CCDC171: variants seen among roughly 807,000 people sequenced by gnomAD.
CCDC171 encodes coiled-coil domain-containing protein 171.
In CCDC171, 177 loss-of-function variants were observed where a neutral mutation model predicts 168.2. That is an observed-to-expected ratio of 1.05 (90% CI 0.93 to 1.19). The LOEUF is 1.19. Ranked by LOEUF, CCDC171 falls within the 50% of genes most tolerant of loss-of-function variation. CCDC171 has a pLI of 0.00. For missense variants in CCDC171, 1,991 were observed against 1,539.0 expected (o/e 1.29, Z -4.91); for synonymous variants, 687 against 540.8 (o/e 1.27, Z -3.75).
intron 6 of CCDC171, among the ~76,000 whole-genome samples, chr9:15,611,752 C>T (rs903068480): frequency 6.6e-6 from 1 of 152,078 alleles, no homozygotes; most frequent in Admixed American, 6.6e-5. Flanking sequence ...CAGAGGCAAC[C>T]CGAGAGTGTA....
chr9:16,073,010 A>G, the CCDC171 span, among the ~76,000 whole-genome samples: 15 of 152,268 alleles, frequency 9.9e-5, no homozygotes, highest in Non-Finnish European at 5.9e-5. Flanking sequence ...GTCCTTGGGC[A>G]AGTTGCTTTA....
In CCDC171 at chr9:15,970,781, C is replaced by T. The variant is rs115639427; in HGVS notation, c.3754-828C>T. ...TATTTTGACATGTGATTTCTAAATACTTATAATAGTCTTTATCAAAACAGG... is the reference window on the plus strand; with the variant it reads ...TATTTTGACATGTGATTTCTAAATATTTATAATAGTCTTTATCAAAACAGG... On this transcript the variant is annotated intron_variant, in intron 25 of 25. Transcript: ENST00000380701. Among the ~76,000 whole-genome samples, 881 of 152,118 alleles carry T rather than the reference C, an allele frequency of 5.8e-3. 11 individuals are homozygous for T. Among genetic ancestry groups the T allele is most frequent in the African/African-American group, 0.02 (832 of 41,494 alleles).
intron 23 of CCDC171, among the ~76,000 whole-genome samples, chr9:15,860,110 C>A (rs1486067439): frequency 6.7e-6 from 1 of 149,996 alleles, no homozygotes; most frequent in African/African-American, 2.5e-5. Flanking sequence ...CTTTTTATTT[C>A]TGTGGTATCA....
At chr9:16,090,902 T>G in the CCDC171 span, among the ~76,000 whole-genome samples, 1 of 152,336 alleles carries the variant, frequency 6.6e-6, no homozygotes, top group Admixed American at 6.5e-5. Context: ...ATAGGAGAAG[T>G]AATTCTCGAA....
At chr9:15,707,703 T>C (rs1385203623) in intron 11 of CCDC171, among the ~76,000 whole-genome samples, 1 of 152,260 alleles carries the variant, frequency 6.6e-6, no homozygotes, top group African/African-American at 2.4e-5. Context: ...TCCTACTTTT[T>C]CTGGAGACGT....
intron 25 of CCDC171, among the ~76,000 whole-genome samples, chr9:15,952,877 A>G (rs1829365182): frequency 6.6e-6 from 1 of 152,180 alleles, no homozygotes; most frequent in South Asian, 2.1e-4. Context: ...TGTAGTATCC[A>G]TTATACAAAT....
intron 25 of CCDC171, among the ~76,000 whole-genome samples, chr9:15,967,279 T>G (rs903869949): frequency 1.3e-5 from 2 of 152,168 alleles, no homozygotes; most frequent in African/African-American, 4.8e-5. Flanking sequence ...TTCATCTGTT[T>G]ATGTGGAGCT....
At chr9:15,592,369 G>GA (rs920395342) in intron 5 of CCDC171, among the ~76,000 whole-genome samples, 29 of 148,604 alleles carry the variant, frequency 2.0e-4, no homozygotes, top group South Asian at 6.4e-4. Flanking sequence ...ACAAAACAAA[G>GA]AAAAAAAAAC....
At chr9:16,030,511 G>A (rs1023172884) in intron 6 of CCDC171, among the ~76,000 whole-genome samples, 1 of 152,184 alleles carries the variant, frequency 6.6e-6, no homozygotes, top group South Asian at 2.1e-4. Context: ...GAAAAAGAAT[G>A]TGTTGATTTA....
intron 1 of CCDC171, 131 bp downstream of exon 1, chr9:15,553,433 C>T (rs1453536079): frequency 6.6e-6 from 1 of 152,272 alleles, no homozygotes; most frequent in Non-Finnish European, 1.5e-5. Context: ...ACGCCTCCAG[C>T]TCCCTGGGCT....
At chr9:15,849,706 C>T (rs2061046523) in intron 23 of CCDC171, among the ~76,000 whole-genome samples, 1 of 151,660 alleles carries the variant, frequency 6.6e-6, no homozygotes, top group Admixed American at 6.6e-5. Context: ...ACATTAAGTA[C>T]TTTAAAGATA....
intron 1 of CCDC171, among the ~76,000 whole-genome samples, chr9:15,562,152 G>A (rs184492833): frequency 2.4e-4 from 37 of 152,038 alleles, no homozygotes; most frequent in Admixed American, 1.4e-3. Flanking sequence ...CCACCATCAC[G>A]CCCAGCTAAT....
At chr9:15,713,611 A>G (rs1368118133) in intron 11 of CCDC171, among the ~76,000 whole-genome samples, 1 of 152,188 alleles carries the variant, frequency 6.6e-6, no homozygotes, top group Non-Finnish European at 1.5e-5. Flanking sequence ...GCTGAGGACC[A>G]GTAGCAAGTC....
chr9:15,915,043 T>G (rs756880899), intron 24 of CCDC171, among the ~76,000 whole-genome samples: 2 of 152,164 alleles, frequency 1.3e-5, no homozygotes, highest in Non-Finnish European at 2.9e-5. Context: ...GTAACCCACC[T>G]TCTGCATTGG....
intron 25 of CCDC171, among the ~76,000 whole-genome samples, chr9:15,950,466 A>ATTCAACATT (rs1401122271): frequency 6.6e-6 from 1 of 152,136 alleles, no homozygotes; most frequent in African/African-American, 2.4e-5. Flanking sequence ...GGGTGCCAAT[A>ATTCAACATT]TTCAACATTC....
rs542670872 is a variant in CCDC171, at chr9:15,765,704, C to A, written c.2672-11896C>A. Among the ~76,000 whole-genome samples the A allele has an allele frequency of 3.9e-5, 6 of 152,234 alleles. No individual in the cohort carries two copies. The South Asian group carries it at 1.0e-3, about 26-fold the overall frequency. ...CAGGTGAGTGGGAGATTAAGTTCATCAGATGATCAGCTGCTTGGGTGTCAG... is the reference window on the plus strand; with the variant it reads ...CAGGTGAGTGGGAGATTAAGTTCATAAGATGATCAGCTGCTTGGGTGTCAG... On this transcript the variant is annotated intron_variant, in intron 18 of 25. Transcript: ENST00000380701.
chr9:15,927,262 G>C (rs1262051377), intron 25 of CCDC171, among the ~76,000 whole-genome samples: 3 of 151,502 alleles, frequency 2.0e-5, no homozygotes, highest in African/African-American at 7.3e-5. Context: ...CATTAACTTA[G>C]GACTGCTCCA....
intron 3 of CCDC171, 29 bp from the exon 4 acceptor site, chr9:15,578,819 CA>C: frequency 6.3e-7 from 1 of 1,581,480 alleles, no homozygotes; most frequent in African/African-American, 1.4e-5. Context: ...AATCTTTGGA[CA>C]CATGTTGATA....
intron 24 of CCDC171, among the ~76,000 whole-genome samples, chr9:15,880,258 A>G (rs1236254864): frequency 6.6e-6 from 1 of 152,212 alleles, no homozygotes; most frequent in Admixed American, 6.5e-5. Flanking sequence ...TAAGTTATCA[A>G]AAAGATTTTG....
Sources: gnomAD v4.1 joint callset for allele counts (sites outside exome capture counted in the v4.1 genomes callset) on GRCh38, gnomAD v4.1.1 for gene constraint, MANE v1.5 for transcripts, NCBI Gene and HGNC (gene_info 2026-07-23, HGNC 2026-07-21) for gene names.